Variants in RAB10 observed in about 807,000 individuals in gnomAD.
The protein encoded by RAB10 is ras-related protein Rab-10.
A neutral mutation model predicts 25.7 loss-of-function variants in RAB10; 5 were observed. The ratio of observed to expected loss-of-function variants is 0.19; its 90% CI spans 0.10 to 0.41. RAB10 has a LOEUF of 0.41. RAB10 is among the 10% of genes least tolerant of loss of function. The pLI, the probability that RAB10 is intolerant of heterozygous loss-of-function variation, is 1.00. For synonymous variants in RAB10, 89 were observed against 86.4 expected (o/e 1.03, Z -0.16); for missense variants, 103 against 245.8 (o/e 0.42, Z 3.89).
intron 5 of RAB10, among the ~76,000 whole-genome samples, chr2:26,130,223 GAA>G (rs1667985526): frequency 6.6e-6 from 1 of 152,036 alleles, no homozygotes; most frequent in Non-Finnish European, 1.5e-5. Context: ...AATTTCTTGA[GAA>G]AATAAATCTA....
intron 1 of RAB10, among the ~76,000 whole-genome samples, chr2:26,040,871 A>G (rs1366524552): frequency 6.6e-6 from 1 of 152,074 alleles, no homozygotes; most frequent in Non-Finnish European, 1.5e-5. Flanking sequence ...TTTTCTATAT[A>G]TTTTCAATTC....
At chr2:26,124,550 G>A (rs1210930647) in intron 3 of RAB10, among the ~76,000 whole-genome samples, 1 of 151,572 alleles carries the variant, frequency 6.6e-6, no homozygotes, top group Admixed American at 6.6e-5. Context: ...ACAGGCATGA[G>A]CCCCCGTGCT....
At chr2:26,127,309 A>G in intron 4 of RAB10, 76 bp downstream of exon 4, 1 of 1,088,694 alleles carries the variant, frequency 9.2e-7, no homozygotes, top group Non-Finnish European at 1.4e-6. Flanking sequence ...TTTTATAGTA[A>G]TAGTGATCGA....
intron 1 of RAB10, among the ~76,000 whole-genome samples, chr2:26,096,696 C>G (rs1667225857): frequency 6.6e-6 from 1 of 152,116 alleles, no homozygotes; most frequent in East Asian, 1.9e-4. Context: ...AATTTTGTTA[C>G]AGTTTTATTT....
At chr2:26,120,340 C>A (rs1032994976) in intron 3 of RAB10, among the ~76,000 whole-genome samples, 6 of 152,152 alleles carry the variant, frequency 3.9e-5, no homozygotes, top group Admixed American at 3.9e-4. Flanking sequence ...TAGAATCTTA[C>A]CAGAATGATG....
At chr2:26,129,006 C>T (rs907718280) in intron 5 of RAB10, among the ~76,000 whole-genome samples, 1 of 152,170 alleles carries the variant, frequency 6.6e-6, no homozygotes, top group Non-Finnish European at 1.5e-5. Context: ...GGCGCGGTGG[C>T]TCACGTCTAT....
intron 3 of RAB10, among the ~76,000 whole-genome samples, chr2:26,116,417 G>GTATA (rs913071701): frequency 1.8e-4 from 28 of 152,038 alleles, no homozygotes; most frequent in African/African-American, 6.0e-4. Context: ...AGCCTTCTTT[G>GTATA]TATATGTCTG....
intron 1 of RAB10, among the ~76,000 whole-genome samples, chr2:26,057,432 C>CT (rs1666292995): frequency 7.2e-6 from 1 of 138,714 alleles, no homozygotes. Flanking sequence ...TAGACAGTCT[C>CT]TAAAAAAAAA....
chr2:26,063,867 A>T (rs1269795748), intron 1 of RAB10, among the ~76,000 whole-genome samples: 1 of 152,088 alleles, frequency 6.6e-6, no homozygotes. Flanking sequence ...GCGTGACCTC[A>T]GCTCGCTGCA....
At chr2:26,102,554 T>A (rs1667365550) in intron 2 of RAB10, among the ~76,000 whole-genome samples, 1 of 150,746 alleles carries the variant, frequency 6.6e-6, no homozygotes, top group Admixed American at 6.6e-5. Flanking sequence ...TTCTCCTGCC[T>A]CAGCCTCCTG....
At chr2:26,104,894 C>G (rs755967447) in intron 2 of RAB10, among the ~76,000 whole-genome samples, 23 of 151,906 alleles carry the variant, frequency 1.5e-4, no homozygotes, top group Non-Finnish European at 2.9e-4. Flanking sequence ...CCCACCACCA[C>G]GCCCGGCTAA....
At chr2:26,112,653 C>T (rs1054822478) in intron 3 of RAB10, among the ~76,000 whole-genome samples, 8 of 152,150 alleles carry the variant, frequency 5.3e-5, no homozygotes, top group African/African-American at 1.4e-4. Flanking sequence ...GTCCCAGTTA[C>T]TTGGGAGGCT....
chr2:26,077,149 A>G (rs939599234), intron 1 of RAB10, among the ~76,000 whole-genome samples: 3 of 152,186 alleles, frequency 2.0e-5, no homozygotes, highest in African/African-American at 4.8e-5. Context: ...TAATTCAGAC[A>G]TGATTGTGTT....
chr2:26,067,965 T>A (rs564925646), intron 1 of RAB10, among the ~76,000 whole-genome samples: 2 of 152,210 alleles, frequency 1.3e-5, no homozygotes, highest in East Asian at 3.8e-4. Context: ...GGGGTTGATA[T>A]ATGTTCATCA....
At chr2:26,129,087 C>T (rs1242162269) in intron 5 of RAB10, among the ~76,000 whole-genome samples, 3 of 151,948 alleles carry the variant, frequency 2.0e-5, no homozygotes, top group South Asian at 2.1e-4. Context: ...CTGGCCAACA[C>T]GGTGAAACCC....
At chr2:26,047,435 A>G (rs1666036574) in intron 1 of RAB10, among the ~76,000 whole-genome samples, 1 of 134,740 alleles carries the variant, frequency 7.4e-6, no homozygotes, top group Admixed American at 8.8e-5. Context: ...TTTTTTATTG[A>G]GACAGAGTCT....
At chr2:26,041,047 T>C (rs571833230) in intron 1 of RAB10, among the ~76,000 whole-genome samples, 1 of 152,178 alleles carries the variant, frequency 6.6e-6, no homozygotes, top group South Asian at 2.1e-4. Flanking sequence ...CTTTTTTTTT[T>C]TTCTCATGTG....
rs547304952 is a variant in RAB10 at position 26,069,982 on chromosome 2, C to T, written c.128-28680C>T. ...CCGGCTTCCCAAAGTGCTGGGATTA[C>T]AGGCGTGAGCCATCGCACCTGGCCT... On this transcript the variant is annotated intron_variant, in intron 1 of 5. Transcript: ENST00000264710. 4.3e-4 allele frequency among the ~76,000 whole-genome samples: 65 copies of T among 152,332 alleles called. 2 individuals carry two copies. The South Asian group carries it at 0.013, about 30-fold the overall frequency.
chr2:26,123,105 C>G (rs1463075325), intron 3 of RAB10, among the ~76,000 whole-genome samples: 1 of 152,120 alleles, frequency 6.6e-6, no homozygotes, highest in Non-Finnish European at 1.5e-5. Flanking sequence ...TTTGATCATT[C>G]AACAAGAAGA....
Sources: gnomAD v4.1 joint callset for allele counts (sites outside exome capture counted in the v4.1 genomes callset) on GRCh38, gnomAD v4.1.1 for gene constraint, MANE v1.5 for transcripts, NCBI Gene and HGNC (gene_info 2026-07-23, HGNC 2026-07-21) for gene names.